Variants in PRKN observed in about 807,000 individuals in gnomAD.
The protein encoded by PRKN is parkin RBR E3 ubiquitin protein ligase.
In PRKN, 56 loss-of-function variants were observed where a neutral mutation model predicts 59.5. The observed-to-expected ratio is 0.94, with a 90% CI of 0.76 to 1.18. The LOEUF (loss-of-function observed/expected upper bound fraction) is 1.18, where lower values mean the gene tolerates loss of function less well. Among genes scored for constraint, PRKN ranks in the 50% most tolerant of loss-of-function variants. PRKN has a pLI of 0.00. For missense variants in PRKN, 657 were observed against 596.4 expected (o/e 1.10, Z -1.06); for synonymous variants, 250 against 222.1 (o/e 1.13, Z -1.12).
intron 6 of PRKN, among the ~76,000 whole-genome samples, chr6:161,803,730 A>G (rs1241816581): frequency 6.6e-6 from 1 of 152,128 alleles, no homozygotes; most frequent in African/African-American, 2.4e-5. Flanking sequence ...TGTGTGACCT[A>G]TTGTCTGTCT....
chr6:162,280,555 T>C (rs866133672), intron 2 of PRKN, among the ~76,000 whole-genome samples: 7 of 151,940 alleles, frequency 4.6e-5, no homozygotes, highest in Middle Eastern at 3.4e-3. Flanking sequence ...CTTTGGAAGG[T>C]TGAGGTGGGT....
chr6:161,750,806 G>A (rs568659691), intron 7 of PRKN, among the ~76,000 whole-genome samples: 16 of 151,766 alleles, frequency 1.1e-4, no homozygotes, highest in Admixed American at 7.9e-4. Flanking sequence ...TCTGTCCACG[G>A]AATTGATTTA....
At chr6:162,371,931 A>G (rs1785789710) in intron 2 of PRKN, among the ~76,000 whole-genome samples, 2 of 152,142 alleles carry the variant, frequency 1.3e-5, no homozygotes, top group South Asian at 4.2e-4. Flanking sequence ...TGAAGTGGAA[A>G]CATTAGAAGG....
intron 1 of PRKN, among the ~76,000 whole-genome samples, chr6:162,454,582 C>T (rs1583599878): frequency 6.6e-6 from 1 of 152,318 alleles, no homozygotes; most frequent in East Asian, 1.9e-4. Context: ...AAACTCCCTC[C>T]TCTGTGTCAG....
rs36041859 is a variant in PRKN at position 162,028,317 on chromosome 6, T to C, written c.618+25774A>G. Reference sequence around the variant, plus strand: ...CTTAAATTCCCCTTTGGAACAAGTATGTCAATGTTTTCAGTGAACCATCTA... The same window carrying C: ...CTTAAATTCCCCTTTGGAACAAGTACGTCAATGTTTTCAGTGAACCATCTA... On this transcript the variant is annotated intron_variant, in intron 5 of 11. Coordinates refer to ENST00000366898, the MANE Select transcript of PRKN (RefSeq NM_004562.3). Among the ~76,000 whole-genome samples, 254 of 152,336 alleles carry C rather than the reference T, an allele frequency of 1.7e-3. 1 individual carries two copies. The highest frequency in any genetic ancestry group is 3.1e-3 in the Non-Finnish European group (213 of 68,038).
At chr6:161,404,144 C>T (rs1397332202) in intron 9 of PRKN, among the ~76,000 whole-genome samples, 5 of 152,126 alleles carry the variant, frequency 3.3e-5, no homozygotes, top group Admixed American at 2.0e-4. Context: ...CTGACCTGAT[C>T]CTAAATCCCT....
rs59954623 is a variant in PRKN at position 161,692,947 on chromosome 6, C to CAA, written c.871+92823_871+92824dup. Reference sequence around the variant, plus strand: ...TGGGCAACAGAGTGAGACTCTGTCTCAAAAAAAAAAAAAAAAAAGAAAAAA... The same window carrying CAA: ...TGGGCAACAGAGTGAGACTCTGTCTCAAAAAAAAAAAAAAAAAAAAGAAAAAA... On this transcript the variant is annotated intron_variant, in intron 7 of 11. Coordinates refer to ENST00000366898, the MANE Select transcript of PRKN (RefSeq NM_004562.3). Among the ~76,000 whole-genome samples, 554 of 120,850 alleles carry CAA rather than the reference C, an allele frequency of 4.6e-3. 11 individuals are homozygous for CAA. Among genetic ancestry groups the CAA allele is most frequent in the African/African-American group, 0.018 (529 of 29,880 alleles). The allele number at this position is 120,850 out of a possible 152,430, so 79.3% of individuals were successfully genotyped here.
chr6:162,257,299 TTTC>T lies in PRKN; in HGVS notation c.412+5223_412+5225del, dbSNP rs1779676316. On this transcript the variant is annotated intron_variant, in intron 3 of 11. Coordinates refer to ENST00000366898, the MANE Select transcript of PRKN (RefSeq NM_004562.3). ...CAGACTGGCCAGCGTGGCCACAGTT[TTTC>T]TTTTTTTTTTCTCAAAAGCAAAAAA... 2.0e-5 allele frequency among the ~76,000 whole-genome samples: 3 copies of T among 152,158 alleles called. No individual in the cohort carries two copies. In the South Asian group the frequency reaches 6.2e-4, roughly 31 times the overall value.
Position 162,301,284 on chromosome 6 carries a change from C to T in PRKN, c.172-38519G>A, listed in dbSNP as rs554992630. 4.6e-5 allele frequency among the ~76,000 whole-genome samples: 7 copies of T among 152,192 alleles called. No individual in the cohort carries two copies. In the South Asian group the frequency reaches 1.5e-3, roughly 32 times the overall value. On this transcript the variant is annotated intron_variant, in intron 2 of 11. Coordinates refer to ENST00000366898, the MANE Select transcript of PRKN (RefSeq NM_004562.3). The stretch of plus-strand genomic sequence containing the variant: ...GACCAGATTCCAGGCCATTTAACCC[C>T]CAAGGCTACTGATCTTTGTAGTATA...
intron 5 of PRKN, among the ~76,000 whole-genome samples, chr6:161,988,854 G>A (rs1157736591): frequency 3.4e-5 from 5 of 148,336 alleles, no homozygotes; most frequent in African/African-American, 1.3e-4. Flanking sequence ...ATTATAACAT[G>A]TTTGGTAAGT....
At chr6:162,678,603 G>T (rs1423027546) in intron 1 of PRKN, among the ~76,000 whole-genome samples, 1 of 152,166 alleles carries the variant, frequency 6.6e-6, no homozygotes, top group African/African-American at 2.4e-5. Flanking sequence ...TATCTTTGGG[G>T]AAGTAACTGT....
intron 4 of PRKN, among the ~76,000 whole-genome samples, chr6:162,186,310 A>C (rs1051340778): frequency 2.1e-5 from 3 of 144,822 alleles, no homozygotes; most frequent in African/African-American, 8.1e-5. Flanking sequence ...TTTTTAACAG[A>C]CTTTTTTTTT....
chr6:162,034,683 T>C (rs566162985), intron 5 of PRKN, among the ~76,000 whole-genome samples: 1 of 152,198 alleles, frequency 6.6e-6, no homozygotes, highest in Non-Finnish European at 1.5e-5. Context: ...TTAAAAACCC[T>C]AATGACTCAA....
chr6:161,573,767 TATATATATATATATATATATATATATATA>T (rs1562535067), intron 7 of PRKN, among the ~76,000 whole-genome samples: 1 of 56,932 alleles, frequency 1.8e-5, no homozygotes, highest in Non-Finnish European at 2.9e-5. Flanking sequence ...TATATATATA[TATATATATATATATATATATATATATATA>T]AAACTTCATT....
chr6:162,408,910 CA>C (rs1217680607), intron 2 of PRKN, among the ~76,000 whole-genome samples: 1 of 151,652 alleles, frequency 6.6e-6, no homozygotes, highest in African/African-American at 2.4e-5. Context: ...CCCTCTTCTT[CA>C]CCTCACTTTC....
intron 6 of PRKN, among the ~76,000 whole-genome samples, chr6:161,943,783 C>A (rs1033906710): frequency 2.7e-5 from 4 of 147,774 alleles, no homozygotes; most frequent in African/African-American, 1.0e-4. Context: ...CCTAAGGAAA[C>A]ACCCTGAGGG....
At chr6:161,737,982 A>G (rs1788035079) in intron 7 of PRKN, among the ~76,000 whole-genome samples, 1 of 152,140 alleles carries the variant, frequency 6.6e-6, no homozygotes, top group South Asian at 2.1e-4. Flanking sequence ...AATAGTTTGG[A>G]AAAGTTCATT....
intron 5 of PRKN, among the ~76,000 whole-genome samples, chr6:162,025,160 C>T (rs1164711137): frequency 2.6e-5 from 4 of 151,708 alleles, no homozygotes; most frequent in Admixed American, 6.6e-5. Context: ...GGACTACAGG[C>T]ACCTGCCACC....
At chr6:162,694,463 C>T (rs1562502945) in intron 1 of PRKN, among the ~76,000 whole-genome samples, 1 of 152,066 alleles carries the variant, frequency 6.6e-6, no homozygotes, top group Non-Finnish European at 1.5e-5. Flanking sequence ...GAAATCTGTC[C>T]ATTTGCACAG....
Sources: gnomAD v4.1 joint callset for allele counts (sites outside exome capture counted in the v4.1 genomes callset) on GRCh38, gnomAD v4.1.1 for gene constraint, MANE v1.5 for transcripts, NCBI Gene and HGNC (gene_info 2026-07-23, HGNC 2026-07-21) for gene names.